INPP4B: variants seen among roughly 807,000 people sequenced by gnomAD.
INPP4B encodes the protein inositol polyphosphate 4-phosphatase type II.
Under a neutral mutation model 122.5 loss-of-function variants are expected in INPP4B, and 55 were observed. That is an observed-to-expected ratio of 0.45 (90% CI 0.36 to 0.56). The LOEUF (loss-of-function observed/expected upper bound fraction) is 0.56, where lower values mean the gene tolerates loss of function less well. Ranked by LOEUF, INPP4B falls within the 20% of genes least tolerant of loss-of-function variation. The pLI is 0.00. For missense variants in INPP4B, 1,000 were observed against 1,097.7 expected (o/e 0.91, Z 1.26); for synonymous variants, 403 against 388.7 (o/e 1.04, Z -0.43).
rs868209966 is a variant in INPP4B, at chr4:142,254,565, C to T, written c.688+5927G>A. On this transcript the variant is annotated intron_variant, in intron 11 of 25. Transcript: ENST00000262992. The stretch of plus-strand genomic sequence containing the variant: ...AGAACTCTGTGAAGAATGCAGAAGC[C>T]TCATGAGCCGAGGAGATCAACTGGA... Among the ~76,000 whole-genome samples, 16 of 152,206 alleles carry T rather than the reference C, an allele frequency of 1.1e-4. No homozygotes were observed. The Middle Eastern group carries it at 0.01, about 97-fold the overall frequency.
intron 2 of INPP4B, among the ~76,000 whole-genome samples, chr4:142,482,777 T>G (rs745825810): frequency 2.0e-5 from 3 of 152,122 alleles, no homozygotes; most frequent in Non-Finnish European, 2.9e-5. Context: ...ATTATTTGCT[T>G]CCACAGCATC....
At chr4:142,695,908 C>G (rs956249546) in intron 2 of INPP4B, among the ~76,000 whole-genome samples, 2 of 152,116 alleles carry the variant, frequency 1.3e-5, no homozygotes, top group Non-Finnish European at 2.9e-5. Flanking sequence ...AGGCTCAAGG[C>G]AGTGTTTCTT....
chr4:142,305,965 G>A (rs1447654177), intron 8 of INPP4B: 22 of 997,428 alleles, frequency 2.2e-5, no homozygotes, highest in South Asian at 1.2e-4. Flanking sequence ...GTTAGTTGGA[G>A]CTATTTTTAT....
intron 15 of INPP4B, among the ~76,000 whole-genome samples, chr4:142,175,087 C>T (rs1247992731): frequency 1.3e-5 from 2 of 152,130 alleles, no homozygotes; most frequent in Non-Finnish European, 2.9e-5. Flanking sequence ...GAAGTAATGG[C>T]TCATGCATGC....
chr4:142,831,016 T>C (rs958089193), intron 1 of INPP4B, among the ~76,000 whole-genome samples: 4 of 151,326 alleles, frequency 2.6e-5, no homozygotes, highest in African/African-American at 9.7e-5. Flanking sequence ...AGTGAGACCC[T>C]GTCTCAAAAA....
At chr4:142,757,319 G>T (rs1770650569) in intron 1 of INPP4B, among the ~76,000 whole-genome samples, 1 of 151,992 alleles carries the variant, frequency 6.6e-6, no homozygotes, top group South Asian at 2.1e-4. Flanking sequence ...GCTTACTATG[G>T]GTTTGTTCTT....
intron 2 of INPP4B, among the ~76,000 whole-genome samples, chr4:142,617,977 TAAG>T (rs1192376950): frequency 6.6e-6 from 1 of 152,100 alleles, no homozygotes; most frequent in Non-Finnish European, 1.5e-5. Context: ...ATATCATACT[TAAG>T]AAGCATTATG....
chr4:142,030,236 C>T (rs1738935206), intron 25 of INPP4B: 15 of 1,535,258 alleles, frequency 9.8e-6, no homozygotes, highest in Non-Finnish European at 1.3e-5. Flanking sequence ...GAGAAGTTGG[C>T]TTGTTATCAG....
intron 2 of INPP4B, among the ~76,000 whole-genome samples, chr4:142,626,664 A>G (rs1429527045): frequency 6.6e-6 from 1 of 152,026 alleles, no homozygotes; most frequent in African/African-American, 2.4e-5. Context: ...TCACCTATAG[A>G]ACCATGAACA....
intron 9 of INPP4B, among the ~76,000 whole-genome samples, chr4:142,272,663 T>A (rs957235711): frequency 1.3e-5 from 2 of 152,002 alleles, no homozygotes; most frequent in Non-Finnish European, 2.9e-5. Flanking sequence ...CAGTGTGTCA[T>A]ATTCTCATTT....
At chr4:142,709,494 G>A (rs747327860) in intron 2 of INPP4B, among the ~76,000 whole-genome samples, 6 of 152,172 alleles carry the variant, frequency 3.9e-5, no homozygotes, top group Admixed American at 1.3e-4. Flanking sequence ...CTGTATCATG[G>A]GGGCAGACTT....
intron 1 of INPP4B, among the ~76,000 whole-genome samples, chr4:142,798,773 A>C (rs1020257539): frequency 2.6e-5 from 4 of 151,886 alleles, no homozygotes; most frequent in African/African-American, 9.7e-5. Flanking sequence ...TTGATAAATC[A>C]ATTAGTATAT....
At chr4:142,625,421 G>A (rs975117675) in intron 2 of INPP4B, among the ~76,000 whole-genome samples, 57 of 152,070 alleles carry the variant, frequency 3.7e-4, no homozygotes, top group Non-Finnish European at 4.9e-4. Flanking sequence ...AATCCAACTT[G>A]CAAGGGATGT....
intron 2 of INPP4B, among the ~76,000 whole-genome samples, chr4:142,500,403 T>A (rs1823216522): frequency 6.6e-6 from 1 of 152,184 alleles, no homozygotes; most frequent in Non-Finnish European, 1.5e-5. Context: ...AATTGTAGAT[T>A]CTAGCCTGTA....
intron 1 of INPP4B, among the ~76,000 whole-genome samples, chr4:142,815,822 G>A (rs1780054387): frequency 6.6e-6 from 1 of 152,140 alleles, no homozygotes; most frequent in African/African-American, 2.4e-5. Flanking sequence ...AAGGGTAGGT[G>A]AGAAACCTAC....
At chr4:142,450,391 G>A (rs888836896) in intron 3 of INPP4B, among the ~76,000 whole-genome samples, 2 of 152,220 alleles carry the variant, frequency 1.3e-5, no homozygotes, top group African/African-American at 4.8e-5. Flanking sequence ...ACACGCTGCA[G>A]TTCAAACTAG....
At position 142,697,118 on chromosome 4, in the gene INPP4B, C is replaced by T. The variant is rs574251539; in HGVS notation, c.-191+28721G>A. 3.8e-4 allele frequency among the ~76,000 whole-genome samples: 58 copies of T among 152,244 alleles called. No individual in the cohort carries two copies. In the South Asian group the frequency reaches 0.012, roughly 31 times the overall value. ...ATGTGATGTTGATGTCAATCATAAG[C>T]AGCCTAAGTTACATTGTTATTAAAA... On this transcript the variant is annotated intron_variant, in intron 2 of 25. Transcript: ENST00000262992.
intron 1 of INPP4B, chr4:142,765,895 T>C (rs541972465): frequency 6.6e-6 from 1 of 152,214 alleles, no homozygotes; most frequent in Non-Finnish European, 1.5e-5. Flanking sequence ...TATCATTATT[T>C]TCCAGCTAAC....
At chr4:142,810,417 G>A (rs911655390) in intron 1 of INPP4B, among the ~76,000 whole-genome samples, 1 of 151,914 alleles carries the variant, frequency 6.6e-6, no homozygotes, top group African/African-American at 2.4e-5. Flanking sequence ...TTGTTCCTGT[G>A]GTATCAGCAT....
Sources: allele counts gnomAD v4.1 joint callset (sites outside exome capture counted in the v4.1 genomes callset), GRCh38; gene constraint gnomAD v4.1.1; transcripts MANE v1.5; gene names NCBI Gene and HGNC (gene_info 2026-07-23, HGNC 2026-07-21).